Variants in GRM8 observed in about 807,000 individuals in gnomAD.
The protein encoded by GRM8 is metabotropic glutamate receptor 8.
GRM8 carries 47 observed loss-of-function variants against 87.2 expected under a neutral mutation model. The observed-to-expected ratio is 0.54, with a 90% CI of 0.43 to 0.69. The LOEUF (loss-of-function observed/expected upper bound fraction) is 0.69, where lower values mean the gene tolerates loss of function less well. Among genes scored for constraint, GRM8 ranks in the 30% least tolerant of loss-of-function variants. The pLI is 0.00. For synonymous variants in GRM8, 396 were observed against 404.5 expected (o/e 0.98, Z 0.25); for missense variants, 1,019 against 1,139.2 (o/e 0.89, Z 1.52).
At chr7:126,744,463 A>G (rs949589550) in intron 7 of GRM8, among the ~76,000 whole-genome samples, 3 of 152,046 alleles carry the variant, frequency 2.0e-5, no homozygotes, top group Admixed American at 2.0e-4. Flanking sequence ...TTCTGATTAC[A>G]CTGGTGGTGA....
chr7:127,044,520 T>C (rs1035594121), intron 3 of GRM8, among the ~76,000 whole-genome samples: 5 of 152,156 alleles, frequency 3.3e-5, no homozygotes, highest in African/African-American at 1.2e-4. Context: ...AAATTATGCA[T>C]ACAATGTTTC....
At chr7:127,200,807 T>A (rs2116555958) in intron 2 of GRM8, among the ~76,000 whole-genome samples, 1 of 152,342 alleles carries the variant, frequency 6.6e-6, no homozygotes, top group African/African-American at 2.4e-5. Flanking sequence ...CTTAACTTAT[T>A]TAATTAAATA....
At chr7:126,500,704 T>A (rs771249840) in intron 9 of GRM8, among the ~76,000 whole-genome samples, 2 of 152,068 alleles carry the variant, frequency 1.3e-5, no homozygotes, top group Non-Finnish European at 2.9e-5. Flanking sequence ...TAGTAATAAA[T>A]GTGAATAAGT....
chr7:126,753,158 G>A (rs1816615071), intron 7 of GRM8, among the ~76,000 whole-genome samples: 1 of 151,924 alleles, frequency 6.6e-6, no homozygotes. Flanking sequence ...TTTGGATCTA[G>A]TCCCAATTCC....
At chr7:126,716,564 C>G (rs1398500097) in intron 7 of GRM8, among the ~76,000 whole-genome samples, 1 of 152,042 alleles carries the variant, frequency 6.6e-6, no homozygotes, top group Non-Finnish European at 1.5e-5. Flanking sequence ...GGATTCCTTC[C>G]CTAAATTCCC....
At chr7:127,109,487 C>A (rs114711564) in intron 2 of GRM8, among the ~76,000 whole-genome samples, 8 of 152,176 alleles carry the variant, frequency 5.3e-5, no homozygotes, top group Non-Finnish European at 1.5e-5. Flanking sequence ...AGCATCTGCA[C>A]CCTTCTCCAT....
intron 8 of GRM8, among the ~76,000 whole-genome samples, chr7:126,588,385 G>A (rs1419154032): frequency 1.3e-5 from 2 of 152,156 alleles, no homozygotes; most frequent in Admixed American, 1.3e-4. Context: ...AGTGTGAAAA[G>A]CAGTTTGCAG....
At chr7:126,936,229 A>AT (rs374462957) in intron 3 of GRM8, among the ~76,000 whole-genome samples, 6 of 151,822 alleles carry the variant, frequency 4.0e-5, no homozygotes, top group Admixed American at 1.3e-4. Flanking sequence ...TTGTCCTGTG[A>AT]TTTTTTTTCT....
Position 126,590,966 on chromosome 7 carries a change from A to AT in GRM8, c.1494+18395dup, listed in dbSNP as rs534835138. ...GACCAATAAAACAACAACACCATAA[A>AT]TTTTTTTTTTAAAAAAAGGTATTTA... is the stretch of plus-strand genomic sequence containing the variant. On this transcript the variant is annotated intron_variant, in intron 8 of 10. Transcript: ENST00000339582. 2.5e-3 allele frequency among the ~76,000 whole-genome samples: 379 copies of AT among 150,910 alleles called. 2 individuals are homozygous for AT. Among genetic ancestry groups the AT allele is most frequent in the African/African-American group, 8.6e-3 (354 of 41,190 alleles).
intron 8 of GRM8, among the ~76,000 whole-genome samples, chr7:126,539,381 C>T (rs1285099965): frequency 6.6e-6 from 1 of 151,976 alleles, no homozygotes; most frequent in African/African-American, 2.4e-5. Flanking sequence ...GATCTGCATA[C>T]ATATTCAACA....
At chr7:126,870,565 T>C (rs1799005690) in intron 6 of GRM8, 1 of 152,126 alleles carries the variant, frequency 6.6e-6, no homozygotes. Flanking sequence ...ATTCCAATAT[T>C]ATTGTGGCTC....
In GRM8 at chr7:126,531,079, G is replaced by A. The variant is rs1814744402; in HGVS notation, c.2430+1873C>T. 2.6e-5 allele frequency among the ~76,000 whole-genome samples: 4 copies of A among 152,146 alleles called. No individual in the cohort carries two copies. The East Asian group carries it at 5.8e-4, about 22-fold the overall frequency. ...ATAAAAGAAACTTGGACAGAGAATA[G>A]CAGGTAGCAAATTTTCAGATGTAGA... is the stretch of plus-strand genomic sequence containing the variant. On this transcript the variant is annotated intron_variant, in intron 9 of 10. Coordinates refer to ENST00000339582, the MANE Select transcript of GRM8 (RefSeq NM_000845.3).
chr7:126,520,864 G>C lies in GRM8; in HGVS notation c.2430+12088C>G, dbSNP rs562070439. On this transcript the variant is annotated intron_variant, in intron 9 of 10. Coordinates refer to ENST00000339582, the MANE Select transcript of GRM8 (RefSeq NM_000845.3). ...TATACATATTCTTCTTTTGTATTTC[G>C]AATGTAATTATTTCGTGCTTTTTAT... 9.2e-5 allele frequency among the ~76,000 whole-genome samples: 14 copies of C among 152,074 alleles called. No individual in the cohort carries two copies. In the East Asian group the frequency reaches 2.7e-3, roughly 29 times the overall value.
In GRM8 at chr7:126,655,471, TTCTC is replaced by T. The variant is rs150555462; in HGVS notation, c.1358-45977_1358-45974del. On this transcript the variant is annotated intron_variant, in intron 7 of 10. Coordinates refer to ENST00000339582, the MANE Select transcript of GRM8 (RefSeq NM_000845.3). ...ATGGGAGGTGATTGCATTATGGTCT[TTCTC>T]TCTCTCTCTCTCTCTCTGTTGCTGT... Among the ~76,000 whole-genome samples the T allele has an allele frequency of 8.2e-3, 1,236 of 150,456 alleles. 8 individuals are homozygous for T. Among genetic ancestry groups the T allele is most frequent in the African/African-American group, 0.027 (1,109 of 41,066 alleles).
intron 6 of GRM8, among the ~76,000 whole-genome samples, chr7:126,771,095 G>C (rs1442673434): frequency 6.6e-6 from 1 of 151,922 alleles, no homozygotes; most frequent in Non-Finnish European, 1.5e-5. Context: ...TTAGACAAAA[G>C]CAAGTATTTT....
Position 126,439,149 on chromosome 7 carries a change from T to A in GRM8, c.2697A>T (p.Thr899=). 6.4e-7 allele frequency: 1 copy of A among 1,567,016 alleles called. No homozygotes were observed. Among genetic ancestry groups the A allele is most frequent in the Non-Finnish European group, 8.8e-7 (1 of 1,137,418 alleles). Residue 899 remains threonine (T), a synonymous_variant, in exon 11 of 11, where the codon ACA becomes ACT. Coordinates refer to ENST00000339582, the MANE Select transcript of GRM8 (RefSeq NM_000845.3). ...TTGAATGATTGCTGTAACTGATATATGTTGTCTTGGTAGAGGAAGCTGTTA... is the reference window on the plus strand; with the variant it reads ...TTGAATGATTGCTGTAACTGATATAAGTTGTCTTGGTAGAGGAAGCTGTTA... ...LETNTSSTKT[T]YISYSNHSI is the part of the protein sequence containing the mutation.
intron 6 of GRM8, among the ~76,000 whole-genome samples, chr7:126,853,851 T>C (rs540488200): frequency 6.6e-6 from 1 of 152,276 alleles, no homozygotes; most frequent in East Asian, 1.9e-4. Context: ...TCTCCTTTGC[T>C]TTCTCCCAGT....
intron 7 of GRM8, among the ~76,000 whole-genome samples, chr7:126,724,263 C>T (rs2237764): frequency 0.058 from 8,898 of 152,212 alleles, 559 homozygotes; most frequent in East Asian, 0.32. Flanking sequence ...TAGTTAAGCG[C>T]AGGCCTGAGT....
At chr7:126,762,475 G>C (rs918095857) in intron 7 of GRM8, among the ~76,000 whole-genome samples, 1 of 152,066 alleles carries the variant, frequency 6.6e-6, no homozygotes, top group African/African-American at 2.4e-5. Flanking sequence ...ACTTTACTGA[G>C]AGTCATACAG....
Sources: allele counts gnomAD v4.1 joint callset (sites outside exome capture counted in the v4.1 genomes callset), GRCh38; gene constraint gnomAD v4.1.1; transcripts MANE v1.5; gene names NCBI Gene and HGNC (gene_info 2026-07-23, HGNC 2026-07-21).